SLC7A1: variants seen among roughly 807,000 people sequenced by gnomAD.
SLC7A1 encodes solute carrier family 7 member 1, also known as high affinity cationic amino acid transporter 1.
Under a neutral mutation model 53.9 loss-of-function variants are expected in SLC7A1, and 10 were observed. That is an observed-to-expected ratio of 0.19 (90% CI 0.11 to 0.31). SLC7A1 has a LOEUF of 0.31. Ranked by LOEUF, SLC7A1 falls within the 10% of genes least tolerant of loss-of-function variation. SLC7A1 has a pLI of 1.00. For synonymous variants in SLC7A1, 342 were observed against 338.7 expected (o/e 1.01, Z -0.11); for missense variants, 525 against 827.2 (o/e 0.63, Z 4.48).
At chr13:29,555,219 G>A (rs1045070826) in intron 1 of SLC7A1, among the ~76,000 whole-genome samples, 4 of 147,808 alleles carry the variant, frequency 2.7e-5, no homozygotes, top group African/African-American at 9.9e-5. Flanking sequence ...TTAGCCGGGC[G>A]TAGTGGCGGG....
intron 5 of SLC7A1, 37 bp from the exon 6 acceptor site, chr13:29,524,290 C>T (rs184225480): frequency 1.3e-5 from 21 of 1,613,334 alleles, no homozygotes; most frequent in African/African-American, 4.0e-5. Context: ...TCACGTCACT[C>T]GCTGCGCAGT....
chr13:29,522,547 G>C (rs182805207), intron 7 of SLC7A1, 91 bp from the exon 8 acceptor site: 4 of 1,418,160 alleles, frequency 2.8e-6, no homozygotes, highest in African/African-American at 1.4e-5. Context: ...CCACGGAGGA[G>C]AGGGAGTCTG....
chr13:29,536,895 A>C (rs1291362080), intron 2 of SLC7A1, among the ~76,000 whole-genome samples: 2 of 152,132 alleles, frequency 1.3e-5, no homozygotes, highest in East Asian at 3.9e-4. Context: ...ATATATATGC[A>C]TATCTGATAT....
At chr13:29,552,549 A>T (rs1314220325) in intron 2 of SLC7A1, among the ~76,000 whole-genome samples, 1 of 152,138 alleles carries the variant, frequency 6.6e-6, no homozygotes, top group Non-Finnish European at 1.5e-5. Context: ...TCGTTGGTTT[A>T]CCGGAATGAG....
intron 1 of SLC7A1, among the ~76,000 whole-genome samples, chr13:29,559,782 C>T (rs1273751220): frequency 6.6e-6 from 1 of 150,808 alleles, no homozygotes; most frequent in Non-Finnish European, 1.5e-5. Context: ...GTGGCGCGAT[C>T]TCGGCTCACT....
At chr13:29,538,937 T>C (rs1869545230) in intron 2 of SLC7A1, among the ~76,000 whole-genome samples, 2 of 152,154 alleles carry the variant, frequency 1.3e-5, no homozygotes, top group African/African-American at 4.8e-5. Flanking sequence ...GGCTAGGGGA[T>C]GCACAGACAG....
intron 1 of SLC7A1, among the ~76,000 whole-genome samples, chr13:29,570,570 G>C (rs190446969): frequency 6.6e-6 from 1 of 152,210 alleles, no homozygotes; most frequent in Non-Finnish European, 1.5e-5. Context: ...TGATGGGACC[G>C]GGCACGGTGG....
chr13:29,534,205 G>C (rs936706562), intron 3 of SLC7A1, among the ~76,000 whole-genome samples: 1 of 152,148 alleles, frequency 6.6e-6, no homozygotes, highest in Non-Finnish European at 1.5e-5. Flanking sequence ...AAAAATGTTT[G>C]CTGGAAAAAC....
chr13:29,578,052 C>T (rs532784577), intron 1 of SLC7A1, among the ~76,000 whole-genome samples: 4 of 152,206 alleles, frequency 2.6e-5, no homozygotes, highest in African/African-American at 7.2e-5. Context: ...TCACTAAGTC[C>T]GTGGTTCTCC....
chr13:29,594,204 T>C, intron 1 of SLC7A1, among the ~76,000 whole-genome samples: 1 of 152,246 alleles, frequency 6.6e-6, no homozygotes, highest in Non-Finnish European at 1.5e-5. Flanking sequence ...TTAAATACAA[T>C]TAGGGCATTC....
intron 12 of SLC7A1, 50 bp downstream of exon 12, chr13:29,516,088 C>A (rs760006525): frequency 1.8e-6 from 2 of 1,132,714 alleles, no homozygotes; most frequent in Non-Finnish European, 2.6e-6. Context: ...ACAAGGGAGA[C>A]CCCCAGGGGA....
At chr13:29,516,742 G>T (rs1382012410) in intron 11 of SLC7A1, 5 of 178,582 alleles carry the variant, frequency 2.8e-5, no homozygotes, top group Non-Finnish European at 2.3e-5. Context: ...TAAACTTAGG[G>T]GCAAGTGGCT....
At chr13:29,593,809 G>T (rs572739819) in intron 1 of SLC7A1, among the ~76,000 whole-genome samples, 75 of 151,718 alleles carry the variant, frequency 4.9e-4, no homozygotes, top group African/African-American at 1.7e-3. Context: ...ACAGGAGCAC[G>T]TGGCTCTAGG....
chr13:29,573,531 G>C (rs182512304), intron 1 of SLC7A1, among the ~76,000 whole-genome samples: 14 of 152,228 alleles, frequency 9.2e-5, no homozygotes, highest in African/African-American at 3.1e-4. Flanking sequence ...CTGCCTTAAG[G>C]CCCACATCGT....
chr13:29,547,241 C>T (rs558251088), intron 2 of SLC7A1, among the ~76,000 whole-genome samples: 3 of 152,126 alleles, frequency 2.0e-5, no homozygotes, highest in African/African-American at 2.4e-5. Flanking sequence ...TTATTCATGC[C>T]GTGGAGTGAA....
intron 2 of SLC7A1, among the ~76,000 whole-genome samples, chr13:29,546,704 G>C (rs1315636519): frequency 6.6e-6 from 1 of 151,968 alleles, no homozygotes; most frequent in Non-Finnish European, 1.5e-5. Flanking sequence ...CCACCATCAC[G>C]AGCAACTTTT....
At position 29,525,470 on chromosome 13, in the gene SLC7A1, C is replaced by T. The variant is rs571010907; in HGVS notation, c.705-1217G>A. On this transcript the variant is annotated intron_variant, in intron 5 of 12. Coordinates refer to ENST00000380752, the MANE Select transcript of SLC7A1 (RefSeq NM_003045.5). ...TAGGATGCTCCCAGTCCTATAAACA[C>T]TGACATCCCTCAGGTTGGCTGGGCA... Among the ~76,000 whole-genome samples, 10 of 152,352 alleles carry T rather than the reference C, an allele frequency of 6.6e-5. No individual in the cohort carries two copies. In the South Asian group the frequency reaches 2.1e-3, roughly 32 times the overall value.
At position 29,522,350 on chromosome 13, in the gene SLC7A1, T is replaced by C. The variant is rs1461639252; in HGVS notation, c.1156A>G (p.Ile386Val). Residue 386 changes from isoleucine to valine, a missense_variant, in exon 8 of 13, where the codon ATA becomes GTA. Transcript: ENST00000380752. ...GCACCCGAGGCTAATGTGGCGATTATTGGTGTTTTGGTCCTATCATTGACG... is the reference window on the plus strand; with the variant it reads ...GCACCCGAGGCTAATGTGGCGATTACTGGTGTTTTGGTCCTATCATTGACG... ...ANVNDRTKTP[I>V]IATLASGAVA... 10 of 1,614,106 alleles carry C rather than the reference T, an allele frequency of 6.2e-6. No homozygotes were observed. The highest frequency in any genetic ancestry group is 1.3e-5 in the African/African-American group (1 of 74,934).
At chr13:29,543,231 G>T (rs1566262711) in intron 2 of SLC7A1, among the ~76,000 whole-genome samples, 1 of 152,182 alleles carries the variant, frequency 6.6e-6, no homozygotes, top group African/African-American at 2.4e-5. Flanking sequence ...TTTCATGGGG[G>T]AAAAAAGGTG....
Sources: allele counts gnomAD v4.1 joint callset (sites outside exome capture counted in the v4.1 genomes callset), GRCh38; gene constraint gnomAD v4.1.1; transcripts MANE v1.5; gene names NCBI Gene and HGNC (gene_info 2026-07-23, HGNC 2026-07-21).